Variants in EXOC2 observed in about 807,000 individuals in gnomAD.
EXOC2 encodes the protein exocyst complex component 2.
Under a neutral mutation model 131.8 loss-of-function variants are expected in EXOC2, and 70 were observed. The ratio of observed to expected loss-of-function variants is 0.53; its 90% confidence interval spans 0.44 to 0.65. The LOEUF (loss-of-function observed/expected upper bound fraction) is 0.65, where lower values mean the gene tolerates loss of function less well. EXOC2 is among the 30% of genes least tolerant of loss of function. The pLI is 0.00. For synonymous variants in EXOC2, 411 were observed against 398.4 expected (o/e 1.03, Z -0.38); for missense variants, 923 against 1,108.6 (o/e 0.83, Z 2.38).
rs551275633 is a variant in EXOC2, at chr6:529,712, C to G, written c.2380+2757G>C. Among the ~76,000 whole-genome samples the G allele has an allele frequency of 9.2e-5, 14 of 152,194 alleles. No homozygotes were observed. In the South Asian group the frequency reaches 1.7e-3, roughly 18 times the overall value. ...TCACAGGAAAAGATATGAACTTTGACAAAATTCATTTAAACTATTACTGAA... is the reference window on the plus strand; with the variant it reads ...TCACAGGAAAAGATATGAACTTTGAGAAAATTCATTTAAACTATTACTGAA... On this transcript the variant is annotated intron_variant, in intron 23 of 27. Transcript: ENST00000230449.
chr6:551,717 G>C (rs910021172), intron 21 of EXOC2, among the ~76,000 whole-genome samples: 1 of 152,134 alleles, frequency 6.6e-6, no homozygotes, highest in Admixed American at 6.5e-5. Context: ...GTCTCCACAG[G>C]ACTCCCCTAG....
chr6:684,334 A>T (rs1764548065), intron 1 of EXOC2, among the ~76,000 whole-genome samples: 1 of 152,224 alleles, frequency 6.6e-6, no homozygotes, highest in African/African-American at 2.4e-5. Context: ...GGCCTTGTGT[A>T]GTCTTGACCT....
At chr6:640,248 A>G (rs1487493024) in intron 1 of EXOC2, among the ~76,000 whole-genome samples, 1 of 152,198 alleles carries the variant, frequency 6.6e-6, no homozygotes, top group East Asian at 1.9e-4. Context: ...AAACAGCCTC[A>G]TTCTGTGCTT....
chr6:656,799 AGGC>A (rs759811760), intron 1 of EXOC2: 1 of 1,605,082 alleles, frequency 6.2e-7, no homozygotes, highest in Non-Finnish European at 8.5e-7. Context: ...GGCCTCGTGG[AGGC>A]CGCCGGAACC....
intron 23 of EXOC2, among the ~76,000 whole-genome samples, chr6:530,513 G>T (rs145166751): frequency 1.3e-5 from 2 of 152,350 alleles, no homozygotes; most frequent in African/African-American, 4.8e-5. Flanking sequence ...CACGAATGGA[G>T]GTAGGCCAAT....
chr6:622,298 G>C (rs1279513906), intron 4 of EXOC2, among the ~76,000 whole-genome samples: 1 of 152,180 alleles, frequency 6.6e-6, no homozygotes, highest in African/African-American at 2.4e-5. Flanking sequence ...ACTAACAACA[G>C]TCTTCACACC....
At chr6:632,665 G>C (rs1391455178) in intron 3 of EXOC2, among the ~76,000 whole-genome samples, 1 of 152,164 alleles carries the variant, frequency 6.6e-6, no homozygotes, top group Non-Finnish European at 1.5e-5. Flanking sequence ...ACCAAAACTG[G>C]TATATCAAGT....
At chr6:648,716 CTTTTTTT>C (rs60202015) in intron 1 of EXOC2, among the ~76,000 whole-genome samples, 6 of 88,560 alleles carry the variant, frequency 6.8e-5, no homozygotes, top group Admixed American at 2.6e-4. Flanking sequence ...TTTAAAAACT[CTTTTTTT>C]TTTTTTTTTT....
chr6:536,380 C>A (rs1180072423), intron 22 of EXOC2, among the ~76,000 whole-genome samples: 1 of 151,802 alleles, frequency 6.6e-6, no homozygotes. Context: ...AAATAAAATA[C>A]CTAGGAATAA....
chr6:564,023 C>T lies in EXOC2; in HGVS notation c.1789+10G>A, dbSNP rs1225584380. ...TGCACAGTGAACGTCACCGATTTAT[C>T]AAAACACACCTTCCGCCGTGTGCTG... On this transcript the variant is annotated intron_variant, in intron 16 of 27. Coordinates refer to ENST00000230449, the MANE Select transcript of EXOC2 (RefSeq NM_018303.6). 1 of 1,612,514 alleles carries T rather than the reference C, an allele frequency of 6.2e-7. No homozygotes were observed.
intron 11 of EXOC2, among the ~76,000 whole-genome samples, chr6:582,067 T>C (rs868512411): frequency 1.3e-5 from 2 of 152,156 alleles, no homozygotes; most frequent in African/African-American, 4.8e-5. Context: ...GTAGAAATAA[T>C]CAAAAATTTA....
At chr6:652,463 A>C (rs114167044) in intron 1 of EXOC2, among the ~76,000 whole-genome samples, 1 of 152,348 alleles carries the variant, frequency 6.6e-6, no homozygotes, top group African/African-American at 2.4e-5. Context: ...ATTACTGATA[A>C]AAATGTAGTC....
intron 16 of EXOC2, among the ~76,000 whole-genome samples, chr6:563,242 C>G (rs1370684865): frequency 6.6e-6 from 1 of 152,154 alleles, no homozygotes; most frequent in African/African-American, 2.4e-5. Flanking sequence ...CCTACAGATT[C>G]CTGACAAGGG....
chr6:617,588 G>T, intron 6 of EXOC2, 123 bp downstream of exon 6: 4 of 1,292,304 alleles, frequency 3.1e-6, no homozygotes, highest in Non-Finnish European at 4.1e-6. Flanking sequence ...AATATTTATA[G>T]CACATTTGAG....
intron 16 of EXOC2, among the ~76,000 whole-genome samples, 194 bp from the exon 17 acceptor site, chr6:563,039 A>G (rs1349943779): frequency 6.6e-6 from 1 of 152,242 alleles, no homozygotes; most frequent in South Asian, 2.1e-4. Flanking sequence ...TGATTCTACT[A>G]AGATATTAAT....
At chr6:630,045 A>C in intron 3 of EXOC2, 84 bp from the exon 4 acceptor site, 2 of 1,496,242 alleles carry the variant, frequency 1.3e-6, no homozygotes, top group Admixed American at 2.1e-5. Context: ...TGACTTCTTA[A>C]AGACCTAATA....
chr6:568,893 C>T (rs1212326), intron 13 of EXOC2, among the ~76,000 whole-genome samples: 2,183 of 152,204 alleles, frequency 0.014, 45 homozygotes, highest in African/African-American at 0.05. Context: ...TTCATGAGTG[C>T]ATGAGGAAAT....
chr6:516,360 C>T (rs1475253760), intron 23 of EXOC2, among the ~76,000 whole-genome samples: 1 of 152,206 alleles, frequency 6.6e-6, no homozygotes, highest in Admixed American at 6.5e-5. Context: ...AACTGCAGCG[C>T]TCGTTGTCAG....
intron 22 of EXOC2, among the ~76,000 whole-genome samples, chr6:539,209 C>A (rs1181476164): frequency 1.3e-5 from 2 of 152,108 alleles, no homozygotes; most frequent in Non-Finnish European, 2.9e-5. Context: ...TCACTGAATT[C>A]GTACATATTA....
Sources: gnomAD v4.1 joint callset for allele counts (sites outside exome capture counted in the v4.1 genomes callset) on GRCh38, gnomAD v4.1.1 for gene constraint, MANE v1.5 for transcripts, NCBI Gene and HGNC (gene_info 2026-07-23, HGNC 2026-07-21) for gene names.